SYT13: variants seen among roughly 807,000 people sequenced by gnomAD.
SYT13 encodes the protein synaptotagmin 13.
In SYT13, 21 loss-of-function variants were observed where a neutral mutation model predicts 38.6. The ratio of observed to expected loss-of-function variants is 0.54; its 90% CI spans 0.39 to 0.78. The LOEUF (loss-of-function observed/expected upper bound fraction) is 0.78, where lower values mean the gene tolerates loss of function less well. Ranked by LOEUF, SYT13 falls within the 30% of genes least tolerant of loss-of-function variation. The pLI is 0.00. For synonymous variants in SYT13, 241 were observed against 237.6 expected (o/e 1.01, Z -0.13); for missense variants, 495 against 548.7 (o/e 0.90, Z 0.98).
intron 1 of SYT13, among the ~76,000 whole-genome samples, chr11:45,271,428 A>C (rs1346715805): frequency 6.6e-6 from 1 of 152,178 alleles, no homozygotes; most frequent in East Asian, 1.9e-4. Context: ...AGAGAGAGAG[A>C]GAGGCATCTC....
chr11:45,241,664 A>C lies in SYT13; in HGVS notation c.*2388T>G, dbSNP rs1344052456. The C allele has an allele frequency of 6.6e-6, 1 of 152,192 alleles. No homozygotes were observed. Among genetic ancestry groups the C allele is most frequent in the East Asian group, 1.9e-4 (1 of 5,196 alleles). The allele number at this position is 152,192 out of a possible 1,614,324, so 9.4% of individuals were successfully genotyped here. On this transcript the variant is annotated 3_prime_UTR_variant, in exon 6 of 6. Coordinates refer to ENST00000020926, the MANE Select transcript of SYT13 (RefSeq NM_020826.3). Reference sequence around the variant, plus strand: ...AAGGCAGCTGCACAGATTTATAAGGAGCCATGTTTCCTGATTTTTGGTCTA... The same window carrying C: ...AAGGCAGCTGCACAGATTTATAAGGCGCCATGTTTCCTGATTTTTGGTCTA...
chr11:45,255,099 G>A (rs1168387652), intron 2 of SYT13, among the ~76,000 whole-genome samples: 1 of 152,044 alleles, frequency 6.6e-6, no homozygotes, highest in Non-Finnish European at 1.5e-5. Context: ...CTGGGAGACA[G>A]AGCAAGACCC....
chr11:45,252,620 T>C lies in SYT13; in HGVS notation c.647A>G (p.Gln216Arg), dbSNP rs1413887929. 6.2e-7 allele frequency: 1 copy of C among 1,614,002 alleles called. No homozygotes were observed. Among genetic ancestry groups the C allele is most frequent in the Non-Finnish European group, 8.5e-7 (1 of 1,179,992 alleles). Residue 216 changes from glutamine to arginine, a missense_variant, in exon 4 of 6, where the codon CAG becomes CGG. Coordinates refer to ENST00000020926, the MANE Select transcript of SYT13 (RefSeq NM_020826.3). The surrounding 1 kb of genome is among the most constrained non-coding windows in gnomAD (Gnocchi z 4.3). ...GCCCTCCTCCCAGGTGGTGTGCAGC[T>C]GCCGCTTCTTTAGGGCTGTCTGAGC... The part of the protein sequence containing the change: ...VEAQTALKKR[Q>R]LHTTWEEGLV...
intron 1 of SYT13, among the ~76,000 whole-genome samples, chr11:45,277,626 A>C (rs868677501): frequency 1.3e-5 from 2 of 151,566 alleles, no homozygotes; most frequent in Admixed American, 6.6e-5. Context: ...GCCCTCGTAA[A>C]TGTTAGGCTT....
chr11:45,244,451 G>C, intron 5 of SYT13, 95 bp from the exon 6 acceptor site: 1 of 1,422,182 alleles, frequency 7.0e-7, no homozygotes, highest in Non-Finnish European at 9.5e-7. Flanking sequence ...CCCTCCTGGT[G>C]CTGGAAAGAT....
chr11:45,258,036 G>A (rs1421670251), intron 1 of SYT13, among the ~76,000 whole-genome samples: 1 of 152,224 alleles, frequency 6.6e-6, no homozygotes, highest in Non-Finnish European at 1.5e-5. Flanking sequence ...ATTCTAGCCT[G>A]ATCACCACTG....
intron 3 of SYT13, among the ~76,000 whole-genome samples, chr11:45,253,612 G>A (rs767807942): frequency 6.6e-6 from 1 of 152,182 alleles, no homozygotes; most frequent in Non-Finnish European, 1.5e-5. Flanking sequence ...TGACCTTAAA[G>A]TGAATTGTCA....
At chr11:45,272,612 T>G (rs1349874303) in intron 1 of SYT13, among the ~76,000 whole-genome samples, 2 of 152,230 alleles carry the variant, frequency 1.3e-5, no homozygotes, top group Non-Finnish European at 2.9e-5. Context: ...TTTCCTTCTG[T>G]GTTACATGGG....
At chr11:45,265,411 C>G (rs11604409) in intron 1 of SYT13, among the ~76,000 whole-genome samples, 46,745 of 152,098 alleles carry the variant, frequency 0.31, 7,310 homozygotes, top group South Asian at 0.4. Flanking sequence ...TTCCTGGAGG[C>G]CAGGAATGCT....
rs1854694163 is a variant in SYT13, at chr11:45,252,721, A to G, written c.546T>C (p.Ala182=). The change falls in exon 4 of 6, where the codon GCT becomes GCC. Residue 182 remains alanine, a splice_region_variant and synonymous_variant. Coordinates refer to ENST00000020926, the MANE Select transcript of SYT13 (RefSeq NM_020826.3). The surrounding 1 kb of genome is among the most constrained non-coding windows in gnomAD (Gnocchi z 4.3). ...AGCCTCCGTCGTGGTTGCTGGTCAC[A>G]GCTGCAGGCAAGGAGAACAACACAG... is the stretch of plus-strand genomic sequence containing the variant. ...KAELFVTRLE[A]VTSNHDGGCD... The G allele has an allele frequency of 3.2e-6, 5 of 1,567,692 alleles. No homozygotes were observed. The highest frequency in any genetic ancestry group is 4.3e-6 in the Non-Finnish European group (5 of 1,151,134).
intron 1 of SYT13, among the ~76,000 whole-genome samples, chr11:45,277,704 G>A (rs1249813409): frequency 6.6e-6 from 1 of 151,956 alleles, no homozygotes; most frequent in African/African-American, 2.4e-5. Flanking sequence ...CTTCCCTTTT[G>A]CCCTGGTTAA....
chr11:45,266,519 C>CACACACACACACACAT (rs1565389349), intron 1 of SYT13, among the ~76,000 whole-genome samples: 1 of 151,668 alleles, frequency 6.6e-6, no homozygotes, highest in African/African-American at 2.4e-5. Flanking sequence ...CACACACACA[C>CACACACACACACACAT]ACACACACAC....
intron 4 of SYT13, among the ~76,000 whole-genome samples, chr11:45,250,990 C>T (rs1854667110): frequency 6.6e-6 from 1 of 152,070 alleles, no homozygotes; most frequent in African/African-American, 2.4e-5. Flanking sequence ...CCTGTTTCCT[C>T]ATCTGTAAGA....
At chr11:45,269,898 T>C (rs1284668498) in intron 1 of SYT13, among the ~76,000 whole-genome samples, 1 of 152,230 alleles carries the variant, frequency 6.6e-6, no homozygotes, top group Non-Finnish European at 1.5e-5. Context: ...GGGAAATGTG[T>C]TTCATTTGTG....
At chr11:45,246,776 A>G (rs1854619408) in intron 4 of SYT13, among the ~76,000 whole-genome samples, 1 of 152,210 alleles carries the variant, frequency 6.6e-6, no homozygotes, top group South Asian at 2.1e-4. Context: ...TCCAACATAC[A>G]AAACAGAACA....
chr11:45,254,182 C>A (rs1253164506), intron 3 of SYT13, 88 bp downstream of exon 3: 1 of 1,450,418 alleles, frequency 6.9e-7, no homozygotes, highest in East Asian at 2.4e-5. Context: ...GTGCTCTCTC[C>A]AGCTGCAGAT....
intron 1 of SYT13, among the ~76,000 whole-genome samples, chr11:45,261,069 C>T (rs1010540630): frequency 6.6e-6 from 1 of 152,238 alleles, no homozygotes; most frequent in Non-Finnish European, 1.5e-5. Context: ...TTTAAATAGA[C>T]ACTTCTCCAA....
rs1854697784 is a variant in SYT13, at chr11:45,252,955, C to G, written c.545-233G>C. On this transcript the variant is annotated intron_variant, in intron 3 of 5. Coordinates refer to ENST00000020926, the MANE Select transcript of SYT13 (RefSeq NM_020826.3). The surrounding 1 kb of genome is among the most constrained non-coding windows in gnomAD (Gnocchi z 4.3). ...GATTCTCTTTCTTGGAGAGCAGGGA[C>G]AAGACTTGGCATTTCCTGGAGCCCT... Among the ~76,000 whole-genome samples the G allele has an allele frequency of 6.6e-6, 1 of 152,172 alleles. No homozygotes were observed.
At chr11:45,257,182 G>A (rs1854758823) in intron 1 of SYT13, among the ~76,000 whole-genome samples, 1 of 152,168 alleles carries the variant, frequency 6.6e-6, no homozygotes, top group South Asian at 2.1e-4. Context: ...CAACCCTTAA[G>A]TATATGGGGC....
Sources: gnomAD v4.1 joint callset for allele counts (sites outside exome capture counted in the v4.1 genomes callset) on GRCh38, gnomAD v4.1.1 for gene constraint, Gnocchi (gnomAD v3.1) non-coding constraint, MANE v1.5 for transcripts, NCBI Gene and HGNC (gene_info 2026-07-23, HGNC 2026-07-21) for gene names.